BMP7: variants seen among roughly 807,000 people sequenced by gnomAD.
The protein encoded by BMP7 is osteogenic protein 1.
In BMP7, 12 loss-of-function variants were observed where a neutral mutation model predicts 41.2. That is an observed-to-expected ratio of 0.29 (90% CI 0.19 to 0.47). The LOEUF (loss-of-function observed/expected upper bound fraction) is 0.47. Among genes scored for constraint, BMP7 ranks in the 20% least tolerant of loss-of-function variants. The pLI, the probability that BMP7 is intolerant of heterozygous loss-of-function variation, is 0.99. For missense variants in BMP7, 467 were observed against 606.0 expected (o/e 0.77, Z 2.41); for synonymous variants, 248 against 250.0 (o/e 0.99, Z 0.07).
intron 4 of BMP7, among the ~76,000 whole-genome samples, chr20:57,176,622 G>T (rs192376608): frequency 1.3e-5 from 2 of 152,248 alleles, no homozygotes; most frequent in East Asian, 3.9e-4. Flanking sequence ...TTGGACTCCT[G>T]GTTTGCAAAA....
intron 2 of BMP7, among the ~76,000 whole-genome samples, chr20:57,225,398 G>T (rs569753495): frequency 9.1e-4 from 139 of 152,300 alleles, no homozygotes; most frequent in Non-Finnish European, 1.4e-3. Flanking sequence ...TCCACTTCCT[G>T]CTGTGATGAT....
intron 4 of BMP7, among the ~76,000 whole-genome samples, chr20:57,179,618 C>G (rs955373968): frequency 6.6e-6 from 1 of 152,214 alleles, no homozygotes; most frequent in Non-Finnish European, 1.5e-5. Context: ...ACAGGGCTGC[C>G]GAGAGATTCA....
At chr20:57,173,401 G>T in intron 5 of BMP7, 91 bp from the exon 6 acceptor site, 1 of 1,256,608 alleles carries the variant, frequency 8.0e-7, no homozygotes, top group Non-Finnish European at 1.1e-6. Flanking sequence ...ACCACGCCAG[G>T]CTCACGACCC....
intron 3 of BMP7, among the ~76,000 whole-genome samples, chr20:57,191,640 G>C (rs1984359896): frequency 6.6e-6 from 1 of 151,378 alleles, no homozygotes; most frequent in Admixed American, 6.6e-5. Flanking sequence ...TGAGGCACAA[G>C]AATCGCTTGA....
chr20:57,197,286 G>T (rs760863521), intron 3 of BMP7, among the ~76,000 whole-genome samples: 3 of 151,978 alleles, frequency 2.0e-5, no homozygotes, highest in Non-Finnish European at 2.9e-5. Flanking sequence ...GGCTCCCACA[G>T]TGAGTCCTGC....
rs45501696 is a variant in BMP7 at position 57,170,184 on chromosome 20, C to T, written c.*775G>A. On this transcript the variant is annotated 3_prime_UTR_variant, in exon 7 of 7. Coordinates refer to ENST00000395863, the MANE Select transcript of BMP7 (RefSeq NM_001719.3). ...GTGAAAAGCCAATCCCAAATGTCTG[C>T]GGGTATTTCACACACCTAGTTTCAT... The T allele has an allele frequency of 3.5e-3, 536 of 153,354 alleles. 2 individuals are homozygous for T. The highest frequency in any genetic ancestry group is 0.024 in the Middle Eastern group (7 of 294). The allele number at this position is 153,354 out of a possible 1,614,324, so 9.5% of individuals were successfully genotyped here.
At chr20:57,262,661 A>G (rs2066158645) in intron 1 of BMP7, among the ~76,000 whole-genome samples, 1 of 152,136 alleles carries the variant, frequency 6.6e-6, no homozygotes, top group Admixed American at 6.5e-5. Flanking sequence ...CCTGCCTGCA[A>G]GACAGCAGAG....
intron 3 of BMP7, among the ~76,000 whole-genome samples, chr20:57,189,421 A>G (rs1984298181): frequency 6.6e-6 from 1 of 152,238 alleles, no homozygotes; most frequent in Non-Finnish European, 1.5e-5. Flanking sequence ...AAAGTGATTC[A>G]TCATTTCAAG....
At chr20:57,176,589 T>C (rs1983926994) in intron 4 of BMP7, among the ~76,000 whole-genome samples, 2 of 151,870 alleles carry the variant, frequency 1.3e-5, no homozygotes, top group South Asian at 2.1e-4. Flanking sequence ...AGCTCTGGAG[T>C]CAAACCCCAG....
At chr20:57,218,177 C>T in intron 2 of BMP7, among the ~76,000 whole-genome samples, 1 of 152,248 alleles carries the variant, frequency 6.6e-6, no homozygotes, top group Non-Finnish European at 1.5e-5. Context: ...ACATTTTTGA[C>T]ACATTTTCAT....
At chr20:57,203,592 G>T (rs1984671263) in intron 2 of BMP7, among the ~76,000 whole-genome samples, 1 of 151,974 alleles carries the variant, frequency 6.6e-6, no homozygotes, top group African/African-American at 2.4e-5. Context: ...TGAATAAGAG[G>T]GTAAATAAGT....
In BMP7 at chr20:57,203,236, G is replaced by A. The variant is rs572648034; in HGVS notation, c.612-613C>T. Among the ~76,000 whole-genome samples, 10 of 152,198 alleles carry A rather than the reference G, an allele frequency of 6.6e-5. No homozygotes were observed. The South Asian group carries it at 2.1e-3, about 32-fold the overall frequency. ...TTTATGAGCCCACCAAGAGTTAGGA[G>A]GTGAATCTCTGGACTGATGGTATTA... On this transcript the variant is annotated intron_variant, in intron 2 of 6. Coordinates refer to ENST00000395863, the MANE Select transcript of BMP7 (RefSeq NM_001719.3).
chr20:57,252,995 T>C (rs2123144406), intron 1 of BMP7, among the ~76,000 whole-genome samples: 1 of 152,250 alleles, frequency 6.6e-6, no homozygotes, highest in Admixed American at 6.5e-5. Flanking sequence ...TGGTTAAACA[T>C]ACCAATAGTG....
chr20:57,197,869 T>C (rs914101510), intron 3 of BMP7, among the ~76,000 whole-genome samples: 6 of 152,306 alleles, frequency 3.9e-5, no homozygotes, highest in African/African-American at 1.4e-4. Flanking sequence ...GGAGCTGTGC[T>C]ATGACAGGGG....
intron 3 of BMP7, among the ~76,000 whole-genome samples, chr20:57,186,540 G>A (rs1213173922): frequency 6.6e-6 from 1 of 152,200 alleles, no homozygotes; most frequent in Admixed American, 6.5e-5. Context: ...AGCTCAGAGA[G>A]GCTGAATAAC....
At chr20:57,179,809 C>T (rs1018670943) in intron 4 of BMP7, among the ~76,000 whole-genome samples, 2 of 152,186 alleles carry the variant, frequency 1.3e-5, no homozygotes, top group African/African-American at 4.8e-5. Flanking sequence ...TTTAGAAGAG[C>T]TGCAAACAGG....
chr20:57,182,284 G>T (rs553404569), intron 4 of BMP7, among the ~76,000 whole-genome samples: 5 of 152,222 alleles, frequency 3.3e-5, no homozygotes, highest in African/African-American at 1.2e-4. Context: ...GTGCCAGCAG[G>T]TCTGCTCCAG....
chr20:57,265,893 T>A lies in BMP7; in HGVS notation c.230A>T (p.Asn77Ile), dbSNP rs931743425. 3.6e-5 allele frequency: 57 copies of A among 1,597,406 alleles called. No individual in the cohort carries two copies. Among genetic ancestry groups the A allele is most frequent in the Admixed American group, 1.7e-5 (1 of 57,602 alleles). Reference protein sequence around the residue: ...RPRPHLQGKHNSAPMFMLDLY... With the variant: ...RPRPHLQGKHISAPMFMLDLY... Reference sequence around the variant, plus strand: ...GTCCAGCATGAACATGGGTGCCGAGTTGTGCTTGCCCTGGAGGTGCGGGCG... The same window carrying A: ...GTCCAGCATGAACATGGGTGCCGAGATGTGCTTGCCCTGGAGGTGCGGGCG... The change falls in exon 1 of 7, where the codon AAC (asparagine) becomes ATC (isoleucine). Residue 77 changes from asparagine (N) to isoleucine (I), a missense_variant. By Grantham distance (149) the Asn-to-Ile change is moderately radical (BLOSUM62 -3). This residue lies in a region of BMP7 where 407 missense variants were observed against 485.9 expected (regional missense o/e 0.84). Coordinates refer to ENST00000395863, the MANE Select transcript of BMP7 (RefSeq NM_001719.3).
chr20:57,256,339 C>T (rs1326112521), intron 1 of BMP7, among the ~76,000 whole-genome samples: 1 of 152,222 alleles, frequency 6.6e-6, no homozygotes, highest in Admixed American at 6.5e-5. Flanking sequence ...CAACTTACTT[C>T]CCACATTTCT....
Sources: gnomAD v4.1 joint callset for allele counts (sites outside exome capture counted in the v4.1 genomes callset) on GRCh38, gnomAD v4.1.1 for gene constraint, gnomAD v4.1.1 regional missense constraint, MANE v1.5 for transcripts, NCBI Gene and HGNC (gene_info 2026-07-23, HGNC 2026-07-21) for gene names.